Variants in ERBB4 observed in about 807,000 individuals in gnomAD.
ERBB4 encodes receptor tyrosine-protein kinase erbB-4.
A neutral mutation model predicts 158.0 loss-of-function variants in ERBB4; 42 were observed. That is an observed-to-expected ratio of 0.27 (90% CI 0.21 to 0.34). The LOEUF is 0.34. Ranked by LOEUF, ERBB4 falls within the 10% of genes least tolerant of loss-of-function variation. The pLI is 1.00. For missense variants in ERBB4, 1,333 were observed against 1,624.1 expected (o/e 0.82, Z 3.08); for synonymous variants, 583 against 558.7 (o/e 1.04, Z -0.61).
chr2:212,181,614 A>G (rs2081867453), intron 1 of ERBB4, among the ~76,000 whole-genome samples: 1 of 151,798 alleles, frequency 6.6e-6, no homozygotes, highest in South Asian at 2.1e-4. Flanking sequence ...TTTTACTGCA[A>G]TGCGTAGCAG....
intron 12 of ERBB4, among the ~76,000 whole-genome samples, chr2:211,692,637 C>T (rs1251519066): frequency 6.6e-6 from 1 of 152,114 alleles, no homozygotes; most frequent in Non-Finnish European, 1.5e-5. Flanking sequence ...CCTTTGCTTC[C>T]ATGGTCCCAT....
intron 1 of ERBB4, among the ~76,000 whole-genome samples, chr2:212,351,723 T>A (rs2089261269): frequency 6.6e-6 from 1 of 152,178 alleles, no homozygotes; most frequent in Non-Finnish European, 1.5e-5. Context: ...CATTTTTTTG[T>A]CTTTCTACAC....
At chr2:211,795,373 T>C (rs1037087408) in intron 3 of ERBB4, among the ~76,000 whole-genome samples, 1 of 151,920 alleles carries the variant, frequency 6.6e-6, no homozygotes, top group African/African-American at 2.4e-5. Context: ...ATCTGTCGCA[T>C]AGTTGCTTCT....
At chr2:212,509,803 G>A (rs1691404862) in intron 1 of ERBB4, among the ~76,000 whole-genome samples, 1 of 151,828 alleles carries the variant, frequency 6.6e-6, no homozygotes, top group East Asian at 1.9e-4. Context: ...ATAAAAAGCT[G>A]TTGAACTTAC....
At chr2:212,374,813 T>C (rs750687159) in intron 1 of ERBB4, among the ~76,000 whole-genome samples, 3 of 151,946 alleles carry the variant, frequency 2.0e-5, no homozygotes, top group Non-Finnish European at 4.4e-5. Flanking sequence ...TAGTCACTGA[T>C]TTACTCTGTG....
intron 12 of ERBB4, among the ~76,000 whole-genome samples, chr2:211,697,932 A>T (rs1211945924): frequency 6.6e-6 from 1 of 152,206 alleles, no homozygotes; most frequent in East Asian, 1.9e-4. Flanking sequence ...GATACACATC[A>T]TGGCAGTAGT....
intron 2 of ERBB4, among the ~76,000 whole-genome samples, chr2:212,123,424 CA>C (rs1381814758): frequency 6.6e-6 from 1 of 152,040 alleles, no homozygotes; most frequent in Non-Finnish European, 1.5e-5. Flanking sequence ...CAAAACAAAA[CA>C]AAGAAAAAAC....
chr2:211,608,348 T>C (rs545533941), intron 19 of ERBB4, among the ~76,000 whole-genome samples: 2 of 152,264 alleles, frequency 1.3e-5, no homozygotes, highest in East Asian at 1.9e-4. Context: ...TCTCATTTAA[T>C]GTGATCTTTT....
At chr2:212,192,354 G>A (rs910992944) in intron 1 of ERBB4, among the ~76,000 whole-genome samples, 4 of 151,420 alleles carry the variant, frequency 2.6e-5, no homozygotes, top group African/African-American at 9.7e-5. Flanking sequence ...TTCGGGCATT[G>A]GAAACAGCAA....
chr2:211,381,118 C>A lies in ERBB4; in HGVS notation c.*2497G>T, dbSNP rs565726159. On this transcript the variant is annotated 3_prime_UTR_variant, in exon 28 of 28. Transcript: ENST00000342788. ...AGCCCTGAGCTATTAGATTGTGGCCCCTGAATCACTCTGTGTCTTTACCCC... is the reference window on the plus strand; with the variant it reads ...AGCCCTGAGCTATTAGATTGTGGCCACTGAATCACTCTGTGTCTTTACCCC... 4.7e-4 allele frequency: 109 copies of A among 232,408 alleles called. No homozygotes were observed. Among genetic ancestry groups the A allele is most frequent in the African/African-American group, 2.3e-3 (105 of 45,402 alleles). 14.4% of individuals were successfully genotyped at this position (232,408 alleles called of 1,614,324 possible).
At chr2:211,750,825 G>T in intron 4 of ERBB4, 121 bp from the exon 5 acceptor site, 1 of 864,328 alleles carries the variant, frequency 1.2e-6, no homozygotes. Context: ...TCATACTAGA[G>T]CTGAAACATA....
intron 2 of ERBB4, among the ~76,000 whole-genome samples, chr2:211,973,211 TTC>T (rs1491106978): frequency 3.4e-3 from 311 of 91,542 alleles, no homozygotes; most frequent in Middle Eastern, 0.017. Flanking sequence ...ATTCCTTTTT[TTC>T]TTTTTTGAAA....
At chr2:212,020,786 G>A (rs544757070) in intron 2 of ERBB4, among the ~76,000 whole-genome samples, 50 of 152,144 alleles carry the variant, frequency 3.3e-4, no homozygotes, top group African/African-American at 1.1e-3. Flanking sequence ...CATTCAACAT[G>A]CAATTGGTAT....
Position 212,245,200 on chromosome 2 carries a change from GA to G in ERBB4, c.83-120298del, listed in dbSNP as rs575419100. ...TTTGAAAACATCTGTAAAAAGAGTT[GA>G]AAAAAAAAGTATTTTATAAATCCTC... On this transcript the variant is annotated intron_variant, in intron 1 of 27. Coordinates refer to ENST00000342788, the MANE Select transcript of ERBB4 (RefSeq NM_005235.3). Among the ~76,000 whole-genome samples the G allele has an allele frequency of 5.0e-3, 750 of 150,866 alleles. 7 individuals are homozygous for G. Among genetic ancestry groups the G allele is most frequent in the Middle Eastern group, 0.017 (5 of 292 alleles).
intron 16 of ERBB4, among the ~76,000 whole-genome samples, chr2:211,638,746 T>C (rs1001785563): frequency 1.2e-4 from 18 of 152,302 alleles, no homozygotes; most frequent in Non-Finnish European, 1.9e-4. Context: ...AGTAGAGATA[T>C]TGCCATTAAA....
intron 3 of ERBB4, among the ~76,000 whole-genome samples, chr2:211,927,358 G>A (rs1484703532): frequency 1.3e-5 from 2 of 152,036 alleles, no homozygotes; most frequent in Non-Finnish European, 2.9e-5. Flanking sequence ...AATATAATAT[G>A]GATATATTCT....
chr2:211,883,257 T>C (rs1261389366), intron 3 of ERBB4, among the ~76,000 whole-genome samples: 5 of 151,812 alleles, frequency 3.3e-5, no homozygotes, highest in African/African-American at 1.2e-4. Flanking sequence ...TGAGAACACA[T>C]AGACACAGGA....
chr2:211,921,972 T>C (rs1023198953), intron 3 of ERBB4, among the ~76,000 whole-genome samples: 5 of 152,106 alleles, frequency 3.3e-5, no homozygotes, highest in East Asian at 1.9e-4. Context: ...TCCAGCAGCA[T>C]GAGGGAATAA....
intron 2 of ERBB4, among the ~76,000 whole-genome samples, chr2:212,118,148 A>G (rs546600536): frequency 6.6e-6 from 1 of 152,290 alleles, no homozygotes; most frequent in East Asian, 1.9e-4. Context: ...TGTGCTTCTA[A>G]TTGCCAGAGG....
Sources: allele counts gnomAD v4.1 joint callset (sites outside exome capture counted in the v4.1 genomes callset), GRCh38; gene constraint gnomAD v4.1.1; transcripts MANE v1.5; gene names NCBI Gene and HGNC (gene_info 2026-07-23, HGNC 2026-07-21).